OVCH1: variants seen among roughly 807,000 people sequenced by gnomAD.
The protein encoded by OVCH1 is ovochymase-1.
In OVCH1, 139 loss-of-function variants were observed where a neutral mutation model predicts 138.4. That is an observed-to-expected ratio of 1.00 (90% CI 0.87 to 1.16). OVCH1 has a LOEUF of 1.16. Among genes scored for constraint, OVCH1 ranks in the 50% most tolerant of loss-of-function variants. OVCH1 has a pLI of 0.00. For missense variants in OVCH1, 1,367 were observed against 1,357.9 expected (o/e 1.01, Z -0.11); for synonymous variants, 453 against 467.8 (o/e 0.97, Z 0.41).
At chr12:29,437,869 C>T (rs1400840941) in intron 26 of OVCH1, among the ~76,000 whole-genome samples, 2 of 152,114 alleles carry the variant, frequency 1.3e-5, no homozygotes, top group East Asian at 3.9e-4. Flanking sequence ...GGCACAGGAC[C>T]TCTGGTTTAA....
intron 26 of OVCH1, among the ~76,000 whole-genome samples, chr12:29,437,603 G>A (rs1242525014): frequency 6.6e-6 from 1 of 152,130 alleles, no homozygotes; most frequent in Non-Finnish European, 1.5e-5. Context: ...TCAAATCAAG[G>A]ATCCTAAGAA....
rs1398162966 is a variant in OVCH1 at position 29,441,948 on chromosome 12, C to T, written c.3157+1413G>A. 3.9e-5 allele frequency among the ~76,000 whole-genome samples: 6 copies of T among 151,984 alleles called. No individual in the cohort carries two copies. The South Asian group carries it at 8.3e-4, about 21-fold the overall frequency. ...TACCATCTCACACCAGTCAGAATGG[C>T]GATCATTAAAAAGTCAGGAAACAAC... On this transcript the variant is annotated intron_variant, in intron 25 of 27. Transcript: ENST00000318184.
chr12:29,402,756 AAG>A, the OVCH1 span, among the ~76,000 whole-genome samples: 2 of 151,946 alleles, frequency 1.3e-5, no homozygotes, highest in African/African-American at 4.8e-5. Flanking sequence ...GAGAAGTTGA[AAG>A]AGTGTAAGAA....
At chr12:29,424,357 C>CA (rs1941149010), downstream of OVCH1, among the ~76,000 whole-genome samples, 1 of 152,178 alleles carries the variant, frequency 6.6e-6, no homozygotes, top group African/African-American at 2.4e-5. Context: ...CCAGTAAACT[C>CA]ACAACCTTCC....
chr12:29,495,393 C>A lies in OVCH1; in HGVS notation c.346G>T (p.Glu116Ter). The change falls in exon 4 of 28, where the codon GAA becomes TAA. Residue 116 changes from glutamate (E) to a stop codon, truncating the protein, a stop_gained. Coordinates refer to ENST00000318184, the Ensembl canonical transcript of OVCH1. LOFTEE classifies it high-confidence loss of function. The stretch of plus-strand genomic sequence containing the variant: ...ATTTTTGAGACAGGAATATTCTGTT[C>A]TTGCTTATCCTTCTGAAAGAGGCTG... The A allele has an allele frequency of 6.2e-7, 1 of 1,613,356 alleles. No homozygotes were observed. The highest frequency in any genetic ancestry group is 1.7e-5 in the Admixed American group (1 of 59,992).
intron 4 of OVCH1, among the ~76,000 whole-genome samples, chr12:29,494,457 A>G (rs1278220664): frequency 6.6e-6 from 1 of 152,112 alleles, no homozygotes; most frequent in Non-Finnish European, 1.5e-5. Flanking sequence ...CTCTGAAAAT[A>G]TTTTCAAATG....
At chr12:29,449,167 T>C (rs1941702560) in intron 22 of OVCH1, among the ~76,000 whole-genome samples, 1 of 152,084 alleles carries the variant, frequency 6.6e-6, no homozygotes, top group South Asian at 2.1e-4. Flanking sequence ...CTGCTCTATT[T>C]TTAACCATCT....
At chr12:29,422,672 G>A (rs1236101199), downstream of OVCH1, among the ~76,000 whole-genome samples, 2 of 152,144 alleles carry the variant, frequency 1.3e-5, no homozygotes, top group African/African-American at 2.4e-5. Context: ...TGGCTTAAAA[G>A]TAGATTGGAT....
intron 3 of OVCH1, among the ~76,000 whole-genome samples, chr12:29,419,515 C>T (rs1421783314): frequency 6.6e-6 from 1 of 151,584 alleles, no homozygotes; most frequent in Admixed American, 6.6e-5. Context: ...AGGATGGTCT[C>T]GATCTCCTGA....
chr12:29,483,521 C>T (rs1000361979), intron 8 of OVCH1, among the ~76,000 whole-genome samples: 1 of 152,070 alleles, frequency 6.6e-6, no homozygotes, highest in African/African-American at 2.4e-5. Flanking sequence ...TTAGCATACC[C>T]ATTGGTTGTA....
At chr12:29,409,155 T>C (rs571149618), downstream of OVCH1, among the ~76,000 whole-genome samples, 2 of 151,464 alleles carry the variant, frequency 1.3e-5, no homozygotes, top group South Asian at 2.1e-4. Flanking sequence ...CGTGGTGATA[T>C]CCCCTTTATC....
chr12:29,465,295 A>ACTCTGAGACTATAAAGGT, intron 16 of OVCH1, 76 bp from the exon 17 acceptor site: 1 of 1,194,786 alleles, frequency 8.4e-7, no homozygotes, highest in Non-Finnish European at 1.2e-6. Context: ...GCTATAAAGG[A>ACTCTGAGACTATAAAGGT]CTCTGAGACT....
intron 22 of OVCH1, among the ~76,000 whole-genome samples, chr12:29,446,111 G>T (rs1463439984): frequency 6.6e-6 from 1 of 151,862 alleles, no homozygotes; most frequent in African/African-American, 2.4e-5. Context: ...ATTTAAGATA[G>T]CATATATTTT....
chr12:29,414,784 T>A (rs1341973139), intron 3 of OVCH1, among the ~76,000 whole-genome samples: 1 of 152,108 alleles, frequency 6.6e-6, no homozygotes. Context: ...ATTATTAAAA[T>A]TTTTTTAAAA....
downstream of OVCH1, among the ~76,000 whole-genome samples, chr12:29,426,825 G>A (rs192251242): frequency 8.9e-4 from 136 of 152,274 alleles, no homozygotes; most frequent in African/African-American, 3.2e-3. Flanking sequence ...CAATGATGGA[G>A]CTTTCTATAT....
At chr12:29,412,092 G>A (rs540448167), downstream of OVCH1, among the ~76,000 whole-genome samples, 5 of 152,188 alleles carry the variant, frequency 3.3e-5, no homozygotes, top group South Asian at 1.0e-3. Context: ...GACTCCATGG[G>A]CGTAGGACCC....
chr12:29,443,083 T>A (rs1245206761), intron 25 of OVCH1, among the ~76,000 whole-genome samples: 1 of 152,144 alleles, frequency 6.6e-6, no homozygotes, highest in Non-Finnish European at 1.5e-5. Context: ...TGTCTAAAAC[T>A]GCTTCATTCA....
exon 19 of OVCH1, chr12:29,461,922 G>C (rs760965219): frequency 1.2e-6 from 2 of 1,613,882 alleles, no homozygotes; most frequent in Non-Finnish European, 1.7e-6. Context: ...ATCCCTCCTG[G>C]ATGGGCAGAA....
intron 26 of OVCH1, among the ~76,000 whole-genome samples, chr12:29,437,409 C>T (rs190135733): frequency 8.3e-4 from 127 of 152,248 alleles, no homozygotes; most frequent in Middle Eastern, 3.4e-3. Flanking sequence ...AAGAAAATCC[C>T]TCAGTGTTTT....
Sources: gnomAD v4.1 joint callset for allele counts (sites outside exome capture counted in the v4.1 genomes callset) on GRCh38, gnomAD v4.1.1 for gene constraint, MANE v1.5 for transcripts, NCBI Gene and HGNC (gene_info 2026-07-23, HGNC 2026-07-21) for gene names.